Variants in ZMYND11 observed in about 807,000 individuals in gnomAD.
The protein encoded by ZMYND11 is zinc finger MYND-type containing 11.
In ZMYND11, 9 loss-of-function variants were observed where a neutral mutation model predicts 84.9. The ratio of observed to expected loss-of-function variants is 0.11; its 90% CI spans 0.06 to 0.18. ZMYND11 has a LOEUF of 0.18. Among genes scored for constraint, ZMYND11 ranks in the 10% least tolerant of loss-of-function variants. The pLI, the probability that ZMYND11 is intolerant of heterozygous loss-of-function variation, is 1.00. For missense variants in ZMYND11, 409 were observed against 761.0 expected (o/e 0.54, Z 5.44); for synonymous variants, 250 against 244.1 (o/e 1.02, Z -0.23).
intron 2 of ZMYND11, among the ~76,000 whole-genome samples, chr10:187,990 G>GT (rs1939205296): frequency 6.6e-6 from 1 of 152,176 alleles, no homozygotes; most frequent in Non-Finnish European, 1.5e-5. Context: ...AAATGCCGTA[G>GT]TAAGTTGAGG....
At chr10:240,540 G>A (rs1357306957) in intron 8 of ZMYND11, among the ~76,000 whole-genome samples, 1 of 152,096 alleles carries the variant, frequency 6.6e-6, no homozygotes, top group Non-Finnish European at 1.5e-5. Context: ...TTTCATGTTT[G>A]ACATACATGA....
Position 254,364 on chromosome 10 carries a change from AAAAC to A in ZMYND11, c.*1898_*1901del, listed in dbSNP as rs1391004232. ...AGCGTGAAAACTGTGTGTTTAAAAA[AAAAC>A]AAAATTAAAAAAAGAGATTGTGGCC... On this transcript the variant is annotated 3_prime_UTR_variant, in exon 15 of 15. Coordinates refer to ENST00000381604, the MANE Select transcript of ZMYND11 (RefSeq NM_001370100.5). 1 of 152,660 alleles carries A rather than the reference AAAAC, an allele frequency of 6.6e-6. No individual in the cohort carries two copies. Among genetic ancestry groups the A allele is most frequent in the African/African-American group, 2.4e-5 (1 of 41,452 alleles). 9.5% of individuals were successfully genotyped at this position (152,660 alleles called of 1,614,324 possible).
chr10:149,733 T>C (rs1387017541), intron 1 of ZMYND11, among the ~76,000 whole-genome samples: 4 of 152,212 alleles, frequency 2.6e-5, no homozygotes, highest in African/African-American at 9.6e-5. Flanking sequence ...ACACTTTAAA[T>C]AGACATTGTA....
At chr10:248,307 G>A in intron 12 of ZMYND11, 29 bp from the exon 13 acceptor site, 1 of 1,598,946 alleles carries the variant, frequency 6.3e-7, no homozygotes, top group Non-Finnish European at 8.5e-7. Flanking sequence ...GGCTTCGTTT[G>A]GCGTCTAAAC....
chr10:254,006 T>G lies in ZMYND11; in HGVS notation c.*1536T>G, dbSNP rs1953952295. On this transcript the variant is annotated 3_prime_UTR_variant, in exon 15 of 15. Coordinates refer to ENST00000381604, the MANE Select transcript of ZMYND11 (RefSeq NM_001370100.5). ...ATGGTGCACAATATTTTGTAAAAAG[T>G]ACCCAGTAGCCCCATTTCATACAAT... 1 of 152,446 alleles carries G rather than the reference T, an allele frequency of 6.6e-6. No homozygotes were observed. Among genetic ancestry groups the G allele is most frequent in the Non-Finnish European group, 1.5e-5 (1 of 68,044 alleles). The allele number at this position is 152,446 out of a possible 1,614,324, so 9.4% of individuals were successfully genotyped here. A position where few individuals can be genotyped will look rare whatever the true frequency, so the allele number is the denominator to read the frequency against.
intron 1 of ZMYND11, among the ~76,000 whole-genome samples, chr10:166,675 A>G (rs1260347579): frequency 1.3e-5 from 2 of 152,150 alleles, no homozygotes; most frequent in Non-Finnish European, 2.9e-5. Flanking sequence ...CTTATGAAAA[A>G]GAGTTTACTA....
chr10:186,622 G>A (rs540233324), intron 2 of ZMYND11, among the ~76,000 whole-genome samples: 49 of 134,894 alleles, frequency 3.6e-4, no homozygotes, highest in Admixed American at 7.8e-4. Flanking sequence ...CTCAGACTGG[G>A]GAACAGAGCA....
chr10:203,477 A>G (rs1041137127), intron 2 of ZMYND11, among the ~76,000 whole-genome samples: 7 of 152,324 alleles, frequency 4.6e-5, no homozygotes, highest in East Asian at 1.9e-4. Flanking sequence ...ATATGTACCA[A>G]TTTCATCAGT....
chr10:177,354 T>C (rs1298013430), intron 1 of ZMYND11, among the ~76,000 whole-genome samples: 1 of 152,208 alleles, frequency 6.6e-6, no homozygotes, highest in African/African-American at 2.4e-5. Context: ...TGGGCTCTTA[T>C]AACTAATGAT....
intron 1 of ZMYND11, among the ~76,000 whole-genome samples, chr10:149,674 G>C (rs1839845814): frequency 6.6e-6 from 1 of 152,032 alleles, no homozygotes; most frequent in Admixed American, 6.6e-5. Flanking sequence ...TTAAATTGTG[G>C]GTATGTTTTA....
intron 1 of ZMYND11, chr10:154,772 C>A (rs1554758214): frequency 6.6e-6 from 1 of 152,094 alleles, no homozygotes; most frequent in African/African-American, 2.4e-5. Flanking sequence ...ATTTTCACAT[C>A]TTTTAATATC....
At chr10:204,147 A>T (rs190847102) in intron 2 of ZMYND11, among the ~76,000 whole-genome samples, 133 of 152,280 alleles carry the variant, frequency 8.7e-4, no homozygotes, top group Non-Finnish European at 1.3e-3. Context: ...ATCTATCTAT[A>T]ATTTATAGAT....
chr10:158,412 CTTTTTTTT>C (rs372896551), intron 1 of ZMYND11, among the ~76,000 whole-genome samples: 6 of 142,484 alleles, frequency 4.2e-5, no homozygotes, highest in Non-Finnish European at 6.1e-5. Context: ...TTGTCTTTTC[CTTTTTTTT>C]TTTTTTTTTT....
At chr10:152,445 A>G (rs1554757347) in intron 1 of ZMYND11, among the ~76,000 whole-genome samples, 1 of 152,206 alleles carries the variant, frequency 6.6e-6, no homozygotes, top group Non-Finnish European at 1.5e-5. Flanking sequence ...ACCTTAAACC[A>G]ACAAAAATCA....
At chr10:251,762 G>A (rs553491318) in intron 14 of ZMYND11, among the ~76,000 whole-genome samples, 1 of 152,146 alleles carries the variant, frequency 6.6e-6, no homozygotes, top group African/African-American at 2.4e-5. Context: ...GGTGTACATG[G>A]TGGGATGTTT....
At chr10:216,547 G>A (rs935538964) in intron 3 of ZMYND11, among the ~76,000 whole-genome samples, 3 of 151,956 alleles carry the variant, frequency 2.0e-5, no homozygotes, top group Non-Finnish European at 2.9e-5. Flanking sequence ...CTCTATTTAC[G>A]TTACTTACCG....
intron 1 of ZMYND11, among the ~76,000 whole-genome samples, chr10:151,163 T>TC (rs1554756905): frequency 6.6e-6 from 1 of 151,872 alleles, no homozygotes; most frequent in African/African-American, 2.4e-5. Flanking sequence ...AGAGCACCTC[T>TC]CCCCCTCCAA....
chr10:152,200 A>G (rs1023636978), intron 1 of ZMYND11, among the ~76,000 whole-genome samples: 4 of 152,230 alleles, frequency 2.6e-5, no homozygotes, highest in African/African-American at 7.2e-5. Flanking sequence ...GACAGGATCA[A>G]GTTCACTCCT....
chr10:144,139 TTTAAAG>T (rs1240299596), intron 1 of ZMYND11, among the ~76,000 whole-genome samples: 3 of 152,212 alleles, frequency 2.0e-5, no homozygotes, highest in African/African-American at 7.2e-5. Flanking sequence ...AGCAGTACAA[TTTAAAG>T]TTAGACTTTC....
Sources: allele counts gnomAD v4.1 joint callset (sites outside exome capture counted in the v4.1 genomes callset), GRCh38; gene constraint gnomAD v4.1.1; transcripts MANE v1.5; gene names NCBI Gene and HGNC (gene_info 2026-07-23, HGNC 2026-07-21).